UNC80: variants seen among roughly 807,000 people sequenced by gnomAD.
The protein encoded by UNC80 is protein unc-80 homolog.
Under a neutral mutation model 384.6 loss-of-function variants are expected in UNC80, and 164 were observed. The observed-to-expected ratio is 0.43, with a 90% CI of 0.38 to 0.49. The LOEUF (loss-of-function observed/expected upper bound fraction) is 0.49. Among genes scored for constraint, UNC80 ranks in the 20% least tolerant of loss-of-function variants. UNC80 has a pLI of 0.00. For synonymous variants in UNC80, 1,486 were observed against 1,527.8 expected (o/e 0.97, Z 0.64); for missense variants, 3,330 against 4,143.0 (o/e 0.80, Z 5.39).
intron 42 of UNC80, 142 bp downstream of exon 42, chr2:209,937,772 A>T: frequency 1.6e-6 from 1 of 631,126 alleles, no homozygotes; most frequent in Non-Finnish European, 2.8e-6. Flanking sequence ...TCAACAAATT[A>T]TTCCCCTAAA....
chr2:209,944,346 CAT>C (rs909977380), intron 45 of UNC80, among the ~76,000 whole-genome samples: 13 of 152,314 alleles, frequency 8.5e-5, no homozygotes, highest in Admixed American at 1.3e-4. Flanking sequence ...CACCATATCA[CAT>C]GTTATATCTA....
rs2093505320 is a variant in UNC80 at position 209,997,805 on chromosome 2, AT to A, written c.*2213del. The A allele has an allele frequency of 6.6e-6, 1 of 152,204 alleles. No homozygotes were observed. The highest frequency in any genetic ancestry group is 1.9e-4 in the East Asian group (1 of 5,192). The allele number at this position is 152,204 out of a possible 1,614,324, so 9.4% of individuals were successfully genotyped here. A position where few individuals can be genotyped will look rare whatever the true frequency, so the allele number is the denominator to read the frequency against. ...TTTTGCAGATGTGTGCATCTGTTCC[AT>A]TTAAGGTGCCCTTAAATGTGTTGAA... On this transcript the variant is annotated 3_prime_UTR_variant, in exon 65 of 65. Coordinates refer to ENST00000673920, the MANE Select transcript of UNC80 (RefSeq NM_001371986.1).
At chr2:209,954,362 T>A in intron 48 of UNC80, 92 bp downstream of exon 48, 1 of 1,284,784 alleles carries the variant, frequency 7.8e-7, no homozygotes, top group South Asian at 2.1e-5. Context: ...GATAAAAATC[T>A]AAAACCCAAT....
intron 6 of UNC80, among the ~76,000 whole-genome samples, chr2:209,791,054 A>G (rs2077763973): frequency 6.6e-6 from 1 of 152,072 alleles, no homozygotes; most frequent in Non-Finnish European, 1.5e-5. Flanking sequence ...CTGCTAAGTC[A>G]TATTGTCTTC....
At chr2:209,905,581 T>C (rs2088089224) in intron 29 of UNC80, among the ~76,000 whole-genome samples, 2 of 152,216 alleles carry the variant, frequency 1.3e-5, no homozygotes, top group African/African-American at 4.8e-5. Context: ...TTTAGATTTC[T>C]GACCTCCAGA....
chr2:209,851,099 C>T (rs2082497298), intron 22 of UNC80, among the ~76,000 whole-genome samples: 1 of 152,052 alleles, frequency 6.6e-6, no homozygotes, highest in Non-Finnish European at 1.5e-5. Flanking sequence ...AACTACACTT[C>T]ATCTTACTTG....
chr2:209,962,978 T>C lies in UNC80; in HGVS notation c.7805+3271T>C, dbSNP rs79300396. On this transcript the variant is annotated intron_variant, in intron 51 of 64. Coordinates refer to ENST00000673920, the MANE Select transcript of UNC80 (RefSeq NM_001371986.1). ...AAAAAGAGAAAGAGAAATGGGATGA[T>C]ATAAAAAATGCAAATGTTTGCCAAA... is the stretch of plus-strand genomic sequence containing the variant. Among the ~76,000 whole-genome samples the C allele has an allele frequency of 9.9e-3, 1,511 of 152,332 alleles. 22 individuals are homozygous for C. The highest frequency in any genetic ancestry group is 0.035 in the African/African-American group (1,455 of 41,588).
At chr2:209,849,672 A>G (rs944158637) in intron 22 of UNC80, 49 bp downstream of exon 22, 10 of 1,528,762 alleles carry the variant, frequency 6.5e-6, no homozygotes, top group Non-Finnish European at 6.2e-6. Flanking sequence ...CCCAAGTAGC[A>G]CTATTAACAG....
intron 7 of UNC80, among the ~76,000 whole-genome samples, chr2:209,803,091 G>T (rs573058620): frequency 1.0e-3 from 156 of 152,300 alleles, no homozygotes; most frequent in African/African-American, 3.4e-3. Flanking sequence ...ACAACCACAG[G>T]AGTGATGTCT....
intron 44 of UNC80, 30 bp from the exon 45 acceptor site, chr2:209,943,350 A>AT: frequency 6.4e-7 from 1 of 1,550,824 alleles, no homozygotes; most frequent in Non-Finnish European, 8.7e-7. Context: ...TCATTAAGGC[A>AT]TTTTTTGAAT....
chr2:209,913,045 C>A (rs1036031337), intron 30 of UNC80, among the ~76,000 whole-genome samples: 1 of 152,204 alleles, frequency 6.6e-6, no homozygotes, highest in African/African-American at 2.4e-5. Context: ...TATTTAATTT[C>A]TCTTGATCTT....
At chr2:209,965,672 C>T (rs562398184) in intron 51 of UNC80, among the ~76,000 whole-genome samples, 3 of 151,998 alleles carry the variant, frequency 2.0e-5, no homozygotes, top group Non-Finnish European at 4.4e-5. Context: ...CCACCTGCCT[C>T]GGCCTCCCAA....
Position 209,878,073 on chromosome 2 carries a change from A to C in UNC80, c.3960A>C (p.Glu1320Asp), listed in dbSNP as rs1018825682. The change falls in exon 24 of 65, where the codon GAA (glutamate) becomes GAC (aspartate). Residue 1320 changes from glutamate (E) to aspartate (D), a missense_variant. Coordinates refer to ENST00000673920, the MANE Select transcript of UNC80 (RefSeq NM_001371986.1). ...GACTTAGAAAGGAGGATGAGGAGGA[A>C]GACTTTTTAGATGACAGTAAGGAGA... ...KRRLRKEDEEEDFLDDSTVNP... is the reference protein window; with the variant it reads ...KRRLRKEDEEDDFLDDSTVNP... 1.9e-6 allele frequency: 3 copies of C among 1,539,096 alleles called. No individual in the cohort carries two copies. Among genetic ancestry groups the C allele is most frequent in the African/African-American group, 2.8e-5 (2 of 72,350 alleles).
intron 52 of UNC80, chr2:209,968,104 G>A (rs978423879): frequency 6.5e-6 from 1 of 153,194 alleles, no homozygotes; most frequent in Non-Finnish European, 1.5e-5. Flanking sequence ...AAATTCGCAG[G>A]ATTGAAAACA....
At chr2:209,787,461 G>C (rs1364078198) in intron 5 of UNC80, among the ~76,000 whole-genome samples, 1 of 152,238 alleles carries the variant, frequency 6.6e-6, no homozygotes, top group South Asian at 2.1e-4. Flanking sequence ...CTGTAAAATT[G>C]GCATAATAAT....
At chr2:209,863,814 C>A (rs1459225614) in intron 22 of UNC80, among the ~76,000 whole-genome samples, 1 of 151,852 alleles carries the variant, frequency 6.6e-6, no homozygotes, top group African/African-American at 2.4e-5. Context: ...TTTCTATTAC[C>A]CATCTTCTGA....
chr2:209,933,944 C>A lies in UNC80; in HGVS notation c.6117C>A (p.Leu2039=). Residue 2039 remains leucine, a synonymous_variant, in exon 39 of 65, where the codon CTC becomes CTA. Transcript: ENST00000673920. ...TGGAGGGCCTCTTCTTCAAGGATCT[C>A]AAGCAGACGATGAAGAAGGAGCAGT... The part of the protein sequence containing the change: ...GYVEGLFFKD[L]KQTMKKEQCE... 1 of 1,550,860 alleles carries A rather than the reference C, an allele frequency of 6.4e-7. No individual in the cohort carries two copies. The highest frequency in any genetic ancestry group is 8.7e-7 in the Non-Finnish European group (1 of 1,146,830).
chr2:209,939,437 T>A, intron 42 of UNC80, 35 bp from the exon 43 acceptor site: 5 of 1,517,862 alleles, frequency 3.3e-6, no homozygotes, highest in Non-Finnish European at 4.4e-6. Context: ...TTTCTAATAC[T>A]CCTTTTTGTC....
At chr2:209,887,232 T>C (rs568207605) in intron 25 of UNC80, among the ~76,000 whole-genome samples, 28 of 151,986 alleles carry the variant, frequency 1.8e-4, no homozygotes, top group Middle Eastern at 6.8e-3. Context: ...GACGGGGTTT[T>C]TTCTCGATGT....
Sources: allele counts gnomAD v4.1 joint callset (sites outside exome capture counted in the v4.1 genomes callset), GRCh38; gene constraint gnomAD v4.1.1; transcripts MANE v1.5; gene names NCBI Gene and HGNC (gene_info 2026-07-23, HGNC 2026-07-21).